NRXN3: variants seen among roughly 807,000 people sequenced by gnomAD.
The protein encoded by NRXN3 is neurexin III.
NRXN3 carries 32 observed loss-of-function variants against 137.6 expected under a neutral mutation model. The observed-to-expected ratio is 0.23, with a 90% confidence interval of 0.18 to 0.31. The LOEUF is 0.31. Among genes scored for constraint, NRXN3 ranks in the 10% least tolerant of loss-of-function variants. The pLI, the probability that NRXN3 is intolerant of heterozygous loss-of-function variation, is 1.00. For missense variants in NRXN3, 1,574 were observed against 2,062.5 expected (o/e 0.76, Z 4.59); for synonymous variants, 798 against 784.5 (o/e 1.02, Z -0.29).
At chr14:78,198,246 G>A (rs537557482) in intron 1 of NRXN3, among the ~76,000 whole-genome samples, 42 of 152,362 alleles carry the variant, frequency 2.8e-4, no homozygotes, top group African/African-American at 9.4e-4. Context: ...CCGGATGAGT[G>A]AGCAGCTGCT....
intron 4 of NRXN3, among the ~76,000 whole-genome samples, chr14:78,324,264 C>T (rs1391954469): frequency 6.6e-6 from 1 of 152,098 alleles, no homozygotes; most frequent in Non-Finnish European, 1.5e-5. Flanking sequence ...ACTGTGCACA[C>T]TGCAAAGTGT....
At chr14:79,304,011 G>A (rs2085595943) in intron 15 of NRXN3, among the ~76,000 whole-genome samples, 3 of 152,102 alleles carry the variant, frequency 2.0e-5, no homozygotes, top group Non-Finnish European at 4.4e-5. Context: ...GGTTTACAAA[G>A]TCTTTTTACA....
At chr14:79,587,254 C>T (rs1312144181) in intron 16 of NRXN3, among the ~76,000 whole-genome samples, 1 of 152,166 alleles carries the variant, frequency 6.6e-6, no homozygotes, top group Non-Finnish European at 1.5e-5. Flanking sequence ...TTTTAAAAAC[C>T]AAAGCAGAAT....
At chr14:79,132,853 G>T (rs1441412809) in intron 15 of NRXN3, among the ~76,000 whole-genome samples, 1 of 152,172 alleles carries the variant, frequency 6.6e-6, no homozygotes, top group East Asian at 1.9e-4. Context: ...CCCAACAATG[G>T]GCTCAGCTAA....
intron 1 of NRXN3, among the ~76,000 whole-genome samples, chr14:78,228,131 A>G (rs2064917162): frequency 6.7e-6 from 1 of 149,890 alleles, no homozygotes; most frequent in South Asian, 2.2e-4. Flanking sequence ...ACACAACATT[A>G]TGGGAGAAAT....
chr14:79,672,155 T>G (rs1393456257), intron 17 of NRXN3, among the ~76,000 whole-genome samples: 2 of 152,072 alleles, frequency 1.3e-5, no homozygotes, highest in African/African-American at 4.8e-5. Context: ...CAACCCTCTG[T>G]AGGACTTTAT....
chr14:79,271,294 T>A (rs1371358166), intron 15 of NRXN3, among the ~76,000 whole-genome samples: 1 of 152,206 alleles, frequency 6.6e-6, no homozygotes, highest in Non-Finnish European at 1.5e-5. Context: ...TATTTGACAT[T>A]TCTGAGTATG....
chr14:79,120,802 A>G (rs1343097765), intron 15 of NRXN3, among the ~76,000 whole-genome samples: 4 of 152,212 alleles, frequency 2.6e-5, no homozygotes, highest in African/African-American at 9.6e-5. Flanking sequence ...TGTTCAACAT[A>G]CATAGTGAAT....
chr14:79,757,959 A>G (rs771366780), intron 19 of NRXN3, among the ~76,000 whole-genome samples: 1 of 152,230 alleles, frequency 6.6e-6, no homozygotes, highest in Non-Finnish European at 1.5e-5. Context: ...CCTTTGGACA[A>G]TAAGAAATAT....
At chr14:78,626,435 G>A (rs184925234) in intron 4 of NRXN3, among the ~76,000 whole-genome samples, 29 of 152,102 alleles carry the variant, frequency 1.9e-4, no homozygotes, top group Admixed American at 3.3e-4. Flanking sequence ...GGCATCAATC[G>A]TTATTATTTT....
chr14:79,316,048 C>A (rs978327884), intron 15 of NRXN3, among the ~76,000 whole-genome samples: 2 of 152,124 alleles, frequency 1.3e-5, no homozygotes, highest in Non-Finnish European at 2.9e-5. Context: ...AAATCGCTAG[C>A]CTTACTTAAC....
At chr14:79,169,192 G>A (rs1384030687) in intron 15 of NRXN3, among the ~76,000 whole-genome samples, 1 of 152,014 alleles carries the variant, frequency 6.6e-6, no homozygotes, top group East Asian at 1.9e-4. Context: ...AAGATTTTCT[G>A]CCTTTCACAG....
intron 1 of NRXN3, among the ~76,000 whole-genome samples, chr14:78,235,006 A>ATATATATATATATATG (rs1555418595): frequency 1.0e-5 from 1 of 98,836 alleles, no homozygotes; most frequent in East Asian, 2.9e-4. Context: ...ATATATATAT[A>ATATATATATATATATG]TATATATATA....
In NRXN3 at chr14:79,080,775, C is replaced by T. The variant is rs74855520; in HGVS notation, c.3262+92634C>T. 3.7e-3 allele frequency among the ~76,000 whole-genome samples: 558 copies of T among 152,274 alleles called. 3 individuals carry two copies. Among genetic ancestry groups the T allele is most frequent in the African/African-American group, 0.013 (544 of 41,558 alleles). ...AAACAGAGTTTTGCCAAATGCTTGTCCTACTTCTCCGTGCGCTTGCCATGG... is the reference window on the plus strand; with the variant it reads ...AAACAGAGTTTTGCCAAATGCTTGTTCTACTTCTCCGTGCGCTTGCCATGG... On this transcript the variant is annotated intron_variant, in intron 15 of 20. Transcript: ENST00000335750.
At chr14:78,315,778 G>A (rs1013791983) in intron 4 of NRXN3, among the ~76,000 whole-genome samples, 2 of 151,832 alleles carry the variant, frequency 1.3e-5, no homozygotes, top group South Asian at 4.2e-4. Flanking sequence ...CCTCTTTATC[G>A]TCTAAAAAGG....
At chr14:78,971,437 TATATAC>T (rs895126993) in intron 14 of NRXN3, among the ~76,000 whole-genome samples, 1 of 149,114 alleles carries the variant, frequency 6.7e-6, no homozygotes, top group African/African-American at 2.5e-5. Flanking sequence ...TATATATATA[TATATAC>T]ACACACACAC....
intron 15 of NRXN3, among the ~76,000 whole-genome samples, chr14:79,185,752 A>G (rs1597010874): frequency 6.6e-6 from 1 of 152,200 alleles, no homozygotes; most frequent in Admixed American, 6.5e-5. Context: ...GGCGTGAGCC[A>G]CCACCGTACC....
At chr14:78,567,045 G>A (rs901198752) in intron 4 of NRXN3, among the ~76,000 whole-genome samples, 8 of 152,134 alleles carry the variant, frequency 5.3e-5, no homozygotes, top group African/African-American at 1.9e-4. Context: ...ATGATGTATG[G>A]AGACTCCACC....
chr14:79,291,009 G>C (rs956778161), intron 15 of NRXN3, among the ~76,000 whole-genome samples: 2 of 152,176 alleles, frequency 1.3e-5, no homozygotes, highest in African/African-American at 4.8e-5. Flanking sequence ...GGGAGAATTT[G>C]GTCTCATGAA....
Sources: allele counts gnomAD v4.1 joint callset (sites outside exome capture counted in the v4.1 genomes callset), GRCh38; gene constraint gnomAD v4.1.1; transcripts MANE v1.5; gene names NCBI Gene and HGNC (gene_info 2026-07-23, HGNC 2026-07-21).